Variants in MYT1L observed in about 807,000 individuals in gnomAD.
MYT1L encodes myelin transcription factor 1 like, also known as myelin transcription factor 1-like protein.
In MYT1L, 12 loss-of-function variants were observed where a neutral mutation model predicts 126.7. The ratio of observed to expected loss-of-function variants is 0.09; its 90% CI spans 0.06 to 0.15. MYT1L has a LOEUF of 0.15. Among genes scored for constraint, MYT1L ranks in the 10% least tolerant of loss-of-function variants. The pLI, the probability that MYT1L is intolerant of heterozygous loss-of-function variation, is 1.00. For synonymous variants in MYT1L, 541 were observed against 604.2 expected (o/e 0.90, Z 1.53); for missense variants, 979 against 1,585.2 (o/e 0.62, Z 6.49).
intron 4 of MYT1L, among the ~76,000 whole-genome samples, chr2:2,010,157 G>A (rs1419388287): frequency 2.6e-5 from 4 of 152,200 alleles, no homozygotes; most frequent in African/African-American, 9.6e-5. Context: ...CCATCTGGCA[G>A]AACTTCAGAG....
At chr2:2,286,524 G>A (rs1013093566) in intron 1 of MYT1L, among the ~76,000 whole-genome samples, 3 of 152,128 alleles carry the variant, frequency 2.0e-5, no homozygotes, top group Non-Finnish European at 2.9e-5. Flanking sequence ...AGAAAACATA[G>A]AACCCATTAG....
intron 1 of MYT1L, among the ~76,000 whole-genome samples, chr2:2,292,636 C>T (rs2095616522): frequency 1.3e-5 from 2 of 152,232 alleles, no homozygotes; most frequent in East Asian, 1.9e-4. Context: ...CTGTGTGGCC[C>T]TCAGGGTCCC....
chr2:1,797,636 G>A lies in MYT1L; in HGVS notation c.3276+4060C>T, dbSNP rs1014638053. On this transcript the variant is annotated intron_variant, in intron 23 of 24. Transcript: ENST00000647738. The stretch of plus-strand genomic sequence containing the variant: ...CAGCCACATAGGAATTGTGTTGGTC[G>A]CACTAATTGGACCTCAAATAGCATT... Among the ~76,000 whole-genome samples the A allele has an allele frequency of 6.6e-5, 10 of 152,364 alleles. No homozygotes were observed. In the East Asian group the frequency reaches 1.4e-3, roughly 21 times the overall value.
At chr2:2,170,524 T>TG (rs1271368525) in intron 3 of MYT1L, among the ~76,000 whole-genome samples, 2 of 152,252 alleles carry the variant, frequency 1.3e-5, no homozygotes, top group Admixed American at 1.3e-4. Context: ...AAAAAAATGT[T>TG]GGCCCACCAG....
At chr2:1,875,888 G>C (rs1416900908) in intron 18 of MYT1L, among the ~76,000 whole-genome samples, 1 of 152,200 alleles carries the variant, frequency 6.6e-6, no homozygotes, top group African/African-American at 2.4e-5. Context: ...CTGTGCTGGT[G>C]AACTTCTCTA....
rs918570641 is a variant in MYT1L, at chr2:1,912,994, T to C, written c.1619-884A>G. Among the ~76,000 whole-genome samples, 8 of 152,176 alleles carry C rather than the reference T, an allele frequency of 5.3e-5. No homozygotes were observed. The highest frequency in any genetic ancestry group is 1.9e-4 in the African/African-American group (8 of 41,440). On this transcript the variant is annotated intron_variant, in intron 11 of 24. Transcript: ENST00000647738. The surrounding 1 kb of genome is among the most constrained non-coding windows in gnomAD (Gnocchi z 4.3). ...ATGCTCTGCTCCTCTGAGCCCGCTGTCTCCAAACTCCAGGGGAATGGGGTG... is the reference window on the plus strand; with the variant it reads ...ATGCTCTGCTCCTCTGAGCCCGCTGCCTCCAAACTCCAGGGGAATGGGGTG...
chr2:2,238,531 T>G (rs1227885645), intron 2 of MYT1L, among the ~76,000 whole-genome samples: 1 of 152,198 alleles, frequency 6.6e-6, no homozygotes, highest in African/African-American at 2.4e-5. Flanking sequence ...TGAGATCCAT[T>G]GTGCTGGGTG....
At chr2:1,869,903 A>G (rs950165574) in intron 18 of MYT1L, among the ~76,000 whole-genome samples, 6 of 152,154 alleles carry the variant, frequency 3.9e-5, no homozygotes, top group African/African-American at 1.4e-4. Context: ...CAATTTCCAT[A>G]CCAGGAAACA....
intron 3 of MYT1L, among the ~76,000 whole-genome samples, chr2:2,060,369 T>G (rs2070236927): frequency 6.6e-6 from 1 of 152,228 alleles, no homozygotes; most frequent in East Asian, 1.9e-4. Flanking sequence ...AAAAAGATTT[T>G]TACTTTCCCC....
intron 2 of MYT1L, among the ~76,000 whole-genome samples, chr2:2,181,291 T>C (rs1460502042): frequency 1.3e-5 from 2 of 152,078 alleles, no homozygotes. Flanking sequence ...TGCGTGCACC[T>C]GTGTGTGTAC....
intron 8 of MYT1L, among the ~76,000 whole-genome samples, chr2:1,976,165 C>T (rs1017910713): frequency 7.1e-5 from 10 of 139,926 alleles, no homozygotes; most frequent in South Asian, 2.3e-4. Flanking sequence ...AGAACCAAAA[C>T]GGAGGCTTCT....
At chr2:2,313,488 C>A (rs917143072) in intron 1 of MYT1L, among the ~76,000 whole-genome samples, 1 of 150,028 alleles carries the variant, frequency 6.7e-6, no homozygotes, top group Non-Finnish European at 1.5e-5. Flanking sequence ...ATAGGCTTTA[C>A]TTAGTTTGAA....
At position 1,801,749 on chromosome 2, in the gene MYT1L, G is replaced by A. The variant is rs770941200; in HGVS notation, c.3223C>T (p.Leu1075=). 2 of 1,611,972 alleles carry A rather than the reference G, an allele frequency of 1.2e-6. No homozygotes were observed. The highest frequency in any genetic ancestry group is 8.5e-7 in the Non-Finnish European group (1 of 1,178,900). ...IKQLDEEIKE[L]NESNSQMEAD... ...TCCATCTGGGAATTGGATTCATTTA[G>A]CTCCTTGATTTCTTCATCTAACTGT... is the stretch of plus-strand genomic sequence containing the variant. Residue 1075 remains leucine, a synonymous_variant, in exon 23 of 25, where the codon CTA becomes TTA. Coordinates refer to ENST00000647738, the MANE Select transcript of MYT1L (RefSeq NM_001303052.2). The surrounding 1 kb of genome is among the most constrained non-coding windows in gnomAD (Gnocchi z 4.2).
chr2:2,044,224 C>G (rs908089955), intron 4 of MYT1L, among the ~76,000 whole-genome samples: 5 of 152,224 alleles, frequency 3.3e-5, no homozygotes, highest in African/African-American at 9.6e-5. Flanking sequence ...ACAGTACCTA[C>G]TGTTCATACT....
chr2:2,212,194 C>A (rs1443174368), intron 2 of MYT1L, among the ~76,000 whole-genome samples: 1 of 150,632 alleles, frequency 6.6e-6, no homozygotes, highest in African/African-American at 2.5e-5. Context: ...TTTCTTATAA[C>A]CTGATACCTT....
At chr2:2,031,287 A>G (rs2149916913) in intron 4 of MYT1L, among the ~76,000 whole-genome samples, 1 of 152,330 alleles carries the variant, frequency 6.6e-6, no homozygotes. Flanking sequence ...CTCAGGATGG[A>G]GTGTCAGATA....
At chr2:1,810,328 C>A (rs780641235) in intron 21 of MYT1L, among the ~76,000 whole-genome samples, 2 of 152,010 alleles carry the variant, frequency 1.3e-5, no homozygotes, top group Non-Finnish European at 2.9e-5. Flanking sequence ...TTAGTAGAGA[C>A]AGGGTTTCAC....
chr2:1,882,671 C>T (rs191295202), intron 18 of MYT1L, among the ~76,000 whole-genome samples: 1 of 152,256 alleles, frequency 6.6e-6, no homozygotes, highest in African/African-American at 2.4e-5. Context: ...GAGGATTATT[C>T]CTAAGAACTT....
intron 3 of MYT1L, among the ~76,000 whole-genome samples, chr2:2,090,148 T>C (rs1026750678): frequency 1.6e-4 from 24 of 152,146 alleles, no homozygotes; most frequent in African/African-American, 5.6e-4. Flanking sequence ...GCTCCTGGAG[T>C]AAATGCAGGG....
Sources: gnomAD v4.1 joint callset for allele counts (sites outside exome capture counted in the v4.1 genomes callset) on GRCh38, gnomAD v4.1.1 for gene constraint, Gnocchi (gnomAD v3.1) non-coding constraint, MANE v1.5 for transcripts, NCBI Gene and HGNC (gene_info 2026-07-23, HGNC 2026-07-21) for gene names.